The following RBFOX1 variants were observed in gnomAD, a reference collection of about 807,000 sequenced individuals.
The protein encoded by RBFOX1 is RNA binding protein fox-1 homolog 1.
RBFOX1 carries 8 observed loss-of-function variants against 57.7 expected under a neutral mutation model. The ratio of observed to expected loss-of-function variants is 0.14; its 90% CI spans 0.08 to 0.25. The LOEUF (loss-of-function observed/expected upper bound fraction) is 0.25. RBFOX1 is among the 10% of genes least tolerant of loss of function. The pLI is 1.00. For synonymous variants in RBFOX1, 326 were observed against 222.4 expected (o/e 1.47, Z -4.15); for missense variants, 611 against 548.5 (o/e 1.11, Z -1.14).
At chr16:7,710,550 T>G in intron 15 of RBFOX1, 73 bp from the exon 16 acceptor site, 2 of 1,591,766 alleles carry the variant, frequency 1.3e-6, no homozygotes, top group South Asian at 1.1e-5. Flanking sequence ...TTTTTCACAT[T>G]AGTCTTTTTG....
intron 2 of RBFOX1, among the ~76,000 whole-genome samples, chr16:5,567,741 T>C (rs2046124677): frequency 6.7e-6 from 1 of 149,884 alleles, no homozygotes; most frequent in Non-Finnish European, 1.5e-5. Flanking sequence ...ACCATCAACA[T>C]TGTCATTACC....
intron 3 of RBFOX1, among the ~76,000 whole-genome samples, chr16:6,836,834 G>A (rs995555120): frequency 4.7e-4 from 72 of 152,192 alleles, no homozygotes; most frequent in African/African-American, 1.6e-3. Flanking sequence ...TAAATATTAT[G>A]TGTGAGTCCA....
At chr16:6,873,478 A>G (rs903575853) in intron 3 of RBFOX1, among the ~76,000 whole-genome samples, 48 of 152,312 alleles carry the variant, frequency 3.2e-4, no homozygotes, top group African/African-American at 1.1e-3. Context: ...ATCTTCTGCA[A>G]TTGCATAAAA....
At chr16:7,538,433 C>T (rs1507023) in intron 5 of RBFOX1, among the ~76,000 whole-genome samples, 116,625 of 151,984 alleles carry the variant, frequency 0.77, 45,923 homozygotes, top group Middle Eastern at 0.87. Context: ...TCCTCAACTT[C>T]TATTACTATT....
chr16:5,535,088 G>A (rs987214535), intron 2 of RBFOX1, among the ~76,000 whole-genome samples: 5 of 152,138 alleles, frequency 3.3e-5, no homozygotes, highest in Admixed American at 1.3e-4. Flanking sequence ...TGTTATAGAG[G>A]TGCATTGACC....
chr16:5,599,629 T>C (rs1361177500), exon 3 of RBFOX1: 2 of 192,270 alleles, frequency 1.0e-5, no homozygotes, highest in Admixed American at 5.4e-5. Context: ...GCACACAGAC[T>C]GTTGCTGTTT....
At chr16:7,121,830 A>G (rs947706941) in intron 4 of RBFOX1, among the ~76,000 whole-genome samples, 1 of 152,036 alleles carries the variant, frequency 6.6e-6, no homozygotes, top group African/African-American at 2.4e-5. Context: ...AAAGGAGAAG[A>G]CACATTAATC....
At chr16:6,819,410 A>G (rs978230745) in intron 3 of RBFOX1, among the ~76,000 whole-genome samples, 1 of 152,186 alleles carries the variant, frequency 6.6e-6, no homozygotes, top group Non-Finnish European at 1.5e-5. Flanking sequence ...GCAAAAGGTC[A>G]TCTTCAGAAA....
At chr16:6,859,975 G>A in intron 3 of RBFOX1, among the ~76,000 whole-genome samples, 1 of 152,306 alleles carries the variant, frequency 6.6e-6, no homozygotes, top group South Asian at 2.1e-4. Flanking sequence ...AATTTGAGGA[G>A]TGGAATTGGT....
intron 2 of RBFOX1, among the ~76,000 whole-genome samples, chr16:6,635,670 C>T (rs1299329322): frequency 6.6e-6 from 1 of 152,094 alleles, no homozygotes; most frequent in Non-Finnish European, 1.5e-5. Flanking sequence ...TCAGTAAATC[C>T]AATGAGTCTT....
chr16:5,796,847 T>A (rs1172379065), intron 3 of RBFOX1, among the ~76,000 whole-genome samples: 1 of 152,196 alleles, frequency 6.6e-6, no homozygotes, highest in African/African-American at 2.4e-5. Flanking sequence ...TTAACCTCTA[T>A]ATGGCCCTCA....
chr16:6,710,923 A>T (rs1183969940), intron 3 of RBFOX1, among the ~76,000 whole-genome samples: 1 of 152,156 alleles, frequency 6.6e-6, no homozygotes, highest in East Asian at 1.9e-4. Flanking sequence ...CAGGGAGGGG[A>T]TGATGGGCAA....
chr16:6,623,183 T>A (rs945237897), intron 2 of RBFOX1, among the ~76,000 whole-genome samples: 1 of 152,128 alleles, frequency 6.6e-6, no homozygotes, highest in African/African-American at 2.4e-5. Flanking sequence ...TAAGGCAATA[T>A]CAAAACATGC....
chr16:7,066,814 G>A (rs1053491086), intron 4 of RBFOX1, among the ~76,000 whole-genome samples: 4 of 152,120 alleles, frequency 2.6e-5, no homozygotes, highest in Admixed American at 2.0e-4. Flanking sequence ...AATAAGAGGA[G>A]CACTTGATGT....
chr16:5,283,910 G>A (rs1421381377), intron 1 of RBFOX1, among the ~76,000 whole-genome samples: 3 of 152,012 alleles, frequency 2.0e-5, no homozygotes, highest in South Asian at 4.2e-4. Flanking sequence ...GAGGACATGA[G>A]ATTTGGGAGG....
At chr16:7,129,779 A>G (rs1412887108) in intron 4 of RBFOX1, among the ~76,000 whole-genome samples, 2 of 147,070 alleles carry the variant, frequency 1.4e-5, no homozygotes, top group African/African-American at 5.1e-5. Context: ...CTGCAAAGAG[A>G]CATTTATCAC....
rs2092033401 is a variant in RBFOX1 at position 6,383,833 on chromosome 16, A to G, written c.-64+66776A>G. Among the ~76,000 whole-genome samples the G allele has an allele frequency of 2.0e-5, 3 of 152,064 alleles. No homozygotes were observed. The South Asian group carries it at 6.2e-4, about 32-fold the overall frequency. ...AGAAGAGTTCAGTGGTTACAATCAAATTTTAAACCAATTGTCAAAGTACAA... is the reference window on the plus strand; with the variant it reads ...AGAAGAGTTCAGTGGTTACAATCAAGTTTTAAACCAATTGTCAAAGTACAA... On this transcript the variant is annotated intron_variant, in intron 2 of 15. Coordinates refer to ENST00000550418, the MANE Select transcript of RBFOX1 (RefSeq NM_018723.4).
At position 6,614,922 on chromosome 16, in the gene RBFOX1, C is replaced by T. The variant is rs907956201; in HGVS notation, c.-63-39681C>T. On this transcript the variant is annotated intron_variant, in intron 2 of 15. Coordinates refer to ENST00000550418, the MANE Select transcript of RBFOX1 (RefSeq NM_018723.4). ...GAGGTATCCGGGGTTAGGACTTCAC[C>T]GTATCTTTTTGTTGCTAACAGACAC... 5.9e-5 allele frequency among the ~76,000 whole-genome samples: 9 copies of T among 152,230 alleles called. No homozygotes were observed. In the East Asian group the frequency reaches 1.2e-3, roughly 20 times the overall value.
intron 3 of RBFOX1, among the ~76,000 whole-genome samples, chr16:5,857,700 A>T (rs566075933): frequency 1.2e-4 from 18 of 152,174 alleles, no homozygotes; most frequent in Admixed American, 2.0e-4. Flanking sequence ...GACGGGCAGA[A>T]CACTTGAGCC....
Sources: gnomAD v4.1 joint callset for allele counts (sites outside exome capture counted in the v4.1 genomes callset) on GRCh38, gnomAD v4.1.1 for gene constraint, MANE v1.5 for transcripts, NCBI Gene and HGNC (gene_info 2026-07-23, HGNC 2026-07-21) for gene names.